Variants in IQCM observed in about 807,000 individuals in gnomAD.
IQCM encodes the protein IQ domain-containing protein M.
A neutral mutation model predicts 57.6 loss-of-function variants in IQCM; 45 were observed. The ratio of observed to expected loss-of-function variants is 0.78; its 90% CI spans 0.62 to 1.00. IQCM has a LOEUF of 1.00. Ranked by LOEUF, IQCM falls within the 50% of genes least tolerant of loss-of-function variation. The pLI, the probability that IQCM is intolerant of heterozygous loss-of-function variation, is 0.00. For missense variants in IQCM, 468 were observed against 511.6 expected, an observed-to-expected ratio of 0.91 and a Z score of 0.82; for synonymous variants, 148 against 158.9, an observed-to-expected ratio of 0.93 and a Z score of 0.51.
chr4:149,546,099 A>G (rs1748387981), intron 12 of IQCM, among the ~76,000 whole-genome samples: 1 of 152,072 alleles, frequency 6.6e-6, no homozygotes. Flanking sequence ...ATAGTTTGCT[A>G]AGAATGATGG....
chr4:149,737,592 C>T (rs938332069), intron 3 of IQCM: 1 of 152,184 alleles, frequency 6.6e-6, no homozygotes, highest in Non-Finnish European at 1.5e-5. Flanking sequence ...CGTAGACTCA[C>T]AGGCCACAGG....
intron 10 of IQCM, among the ~76,000 whole-genome samples, chr4:149,557,753 T>C (rs1196492342): frequency 1.3e-5 from 2 of 152,196 alleles, no homozygotes; most frequent in African/African-American, 4.8e-5. Context: ...TTAACGCTAA[T>C]CTTGTCAAGT....
intron 13 of IQCM, among the ~76,000 whole-genome samples, chr4:149,411,483 A>G (rs1469196005): frequency 6.6e-6 from 1 of 152,124 alleles, no homozygotes; most frequent in African/African-American, 2.4e-5. Flanking sequence ...TGTATTTGGG[A>G]ATGAAAATTT....
At chr4:149,713,205 C>T (rs1045700962) in intron 5 of IQCM, among the ~76,000 whole-genome samples, 35 of 152,198 alleles carry the variant, frequency 2.3e-4, no homozygotes, top group African/African-American at 5.3e-4. Flanking sequence ...TCACCAACAA[C>T]GCTGGACCCC....
At chr4:149,593,988 G>A (rs1753495817) in intron 8 of IQCM, among the ~76,000 whole-genome samples, 1 of 152,132 alleles carries the variant, frequency 6.6e-6, no homozygotes, top group Non-Finnish European at 1.5e-5. Flanking sequence ...AGTTAGGGAG[G>A]ATTCCCTCTT....
intron 12 of IQCM, among the ~76,000 whole-genome samples, chr4:149,459,530 C>G (rs1047090726): frequency 1.2e-4 from 18 of 152,074 alleles, no homozygotes; most frequent in Non-Finnish European, 2.5e-4. Context: ...GTTGTACAAC[C>G]ATCACCACCA....
At chr4:149,621,060 C>T in intron 8 of IQCM, 69 bp downstream of exon 8, 1 of 690,382 alleles carries the variant, frequency 1.4e-6, no homozygotes, top group Non-Finnish European at 2.0e-6. Flanking sequence ...GTGCTTTCAT[C>T]AAAATTAATG....
At chr4:149,503,893 AG>A (rs1370538752) in intron 12 of IQCM, among the ~76,000 whole-genome samples, 1 of 152,144 alleles carries the variant, frequency 6.6e-6, no homozygotes, top group Non-Finnish European at 1.5e-5. Context: ...ATTTTGAGGG[AG>A]AAAAAAGCTA....
At chr4:149,672,746 G>A (rs538988612) in intron 7 of IQCM, among the ~76,000 whole-genome samples, 10 of 152,198 alleles carry the variant, frequency 6.6e-5, no homozygotes, top group African/African-American at 1.2e-4. Context: ...AGGAAGGCAC[G>A]CCAACATTCA....
Position 149,563,705 on chromosome 4 carries a change from CTT to C in IQCM, c.933_934del (p.Arg312SerfsTer17). On this transcript the variant is annotated frameshift_variant, in exon 10 of 14. Coordinates refer to ENST00000636793, the MANE Select transcript of IQCM (RefSeq NM_001363507.2). LOFTEE classifies it high-confidence loss of function. Reference sequence around the variant, plus strand: ...TGGATATCTTACCTTGGTCATTACTCTTTGCAATCTTTTCCGTTCAAGCCATC... The same window carrying C: ...TGGATATCTTACCTTGGTCATTACTCTGCAATCTTTTCCGTTCAAGCCATC... 2.4e-6 allele frequency: 3 copies of C among 1,231,908 alleles called. No individual in the cohort carries two copies. The highest frequency in any genetic ancestry group is 3.0e-6 in the Non-Finnish European group (3 of 987,836). 76.3% of individuals were successfully genotyped at this position (1,231,908 alleles called of 1,614,324 possible). A position where few individuals can be genotyped will look rare whatever the true frequency, so the allele number is the denominator to read the frequency against.
chr4:149,358,861 C>A (rs1729228743), intron 13 of IQCM, among the ~76,000 whole-genome samples: 2 of 151,908 alleles, frequency 1.3e-5, no homozygotes, highest in South Asian at 2.1e-4. Flanking sequence ...TCATGATATA[C>A]TCTCATGAGT....
chr4:149,540,797 G>A (rs1038334943), intron 12 of IQCM, among the ~76,000 whole-genome samples: 15 of 152,074 alleles, frequency 9.9e-5, no homozygotes. Context: ...CTAGTCAGGA[G>A]CCTCACGCCA....
At chr4:149,560,868 G>A (rs954659339) in intron 10 of IQCM, among the ~76,000 whole-genome samples, 1 of 152,124 alleles carries the variant, frequency 6.6e-6, no homozygotes, top group Non-Finnish European at 1.5e-5. Context: ...CCAGCGGAGG[G>A]ACTGCCACAG....
At chr4:149,429,986 C>G in intron 13 of IQCM, 1 of 1,227,190 alleles carries the variant, frequency 8.1e-7, no homozygotes. Context: ...AAACAACAAA[C>G]ACAAATAGAT....
intron 12 of IQCM, among the ~76,000 whole-genome samples, chr4:149,507,173 C>T (rs1226890681): frequency 6.6e-6 from 1 of 152,188 alleles, no homozygotes; most frequent in Non-Finnish European, 1.5e-5. Flanking sequence ...GTCCAATAAA[C>T]TCTTTCTATT....
intron 7 of IQCM, among the ~76,000 whole-genome samples, chr4:149,667,253 T>G (rs572541049): frequency 6.6e-6 from 1 of 152,236 alleles, no homozygotes; most frequent in East Asian, 1.9e-4. Context: ...ATCTTAGCTG[T>G]TCTGCAGCCT....
chr4:149,723,910 G>A lies in IQCM; in HGVS notation c.385+9334C>T, dbSNP rs539612456. Reference sequence around the variant, plus strand: ...CTGGTAGAATTTGTCTATGAATCTGGGCCTGTGCTTTTTTTTTTCCTTCCT... The same window carrying A: ...CTGGTAGAATTTGTCTATGAATCTGAGCCTGTGCTTTTTTTTTTCCTTCCT... On this transcript the variant is annotated intron_variant, in intron 5 of 13. Coordinates refer to ENST00000636793, the MANE Select transcript of IQCM (RefSeq NM_001363507.2). Among the ~76,000 whole-genome samples the A allele has an allele frequency of 8.1e-4, 115 of 141,542 alleles. 1 individual carries two copies. The highest frequency in any genetic ancestry group is 3.1e-3 in the African/African-American group (115 of 37,624). The allele number at this position is 141,542 out of a possible 152,430, so 92.9% of individuals were successfully genotyped here. A position where few individuals can be genotyped will look rare whatever the true frequency, so the allele number is the denominator to read the frequency against.
At chr4:149,489,166 G>A (rs573440501) in intron 12 of IQCM, among the ~76,000 whole-genome samples, 7 of 152,194 alleles carry the variant, frequency 4.6e-5, no homozygotes, top group Admixed American at 4.6e-4. Context: ...GGAGGTAATG[G>A]AATGGAATTA....
At chr4:149,674,667 A>T (rs1761596757) in intron 7 of IQCM, among the ~76,000 whole-genome samples, 1 of 152,066 alleles carries the variant, frequency 6.6e-6, no homozygotes, top group South Asian at 2.1e-4. Flanking sequence ...ACACATACAC[A>T]GTTCCTGAGT....
Sources: gnomAD v4.1 joint callset for allele counts (sites outside exome capture counted in the v4.1 genomes callset) on GRCh38, gnomAD v4.1.1 for gene constraint, MANE v1.5 for transcripts, NCBI Gene and HGNC (gene_info 2026-07-23, HGNC 2026-07-21) for gene names.